ZNF521: variants seen among roughly 807,000 people sequenced by gnomAD.
ZNF521 encodes the protein LYST-interacting protein 3.
Under a neutral mutation model 105.5 loss-of-function variants are expected in ZNF521, and 14 were observed. That is an observed-to-expected ratio of 0.13 (90% CI 0.09 to 0.21). The LOEUF (loss-of-function observed/expected upper bound fraction) is 0.21. Ranked by LOEUF, ZNF521 falls within the 10% of genes least tolerant of loss-of-function variation. The pLI is 1.00. For missense variants in ZNF521, 1,233 were observed against 1,629.7 expected (o/e 0.76, Z 4.19); for synonymous variants, 635 against 606.0 (o/e 1.05, Z -0.70).
At chr18:25,096,174 T>G (rs1039200882) in intron 5 of ZNF521, among the ~76,000 whole-genome samples, 4 of 152,206 alleles carry the variant, frequency 2.6e-5, no homozygotes, top group Non-Finnish European at 5.9e-5. Context: ...AGACTGATGC[T>G]AATGTAAATA....
At chr18:25,232,479 G>C (rs1218196991) in intron 3 of ZNF521, among the ~76,000 whole-genome samples, 2 of 152,092 alleles carry the variant, frequency 1.3e-5, no homozygotes, top group African/African-American at 2.4e-5. Flanking sequence ...GCAATCTCAG[G>C]AATATTAATT....
chr18:25,108,298 G>T (rs1008214182), intron 5 of ZNF521, among the ~76,000 whole-genome samples: 2 of 152,088 alleles, frequency 1.3e-5, no homozygotes, highest in African/African-American at 4.8e-5. Context: ...CTTAATTTAT[G>T]ATTAAAAAAT....
chr18:25,090,462 C>T (rs913046644), intron 6 of ZNF521, among the ~76,000 whole-genome samples: 2 of 152,168 alleles, frequency 1.3e-5, no homozygotes, highest in African/African-American at 2.4e-5. Flanking sequence ...AATCACATTT[C>T]TCATTACCTT....
At chr18:25,147,912 C>T (rs149203368) in intron 5 of ZNF521, among the ~76,000 whole-genome samples, 1 of 152,238 alleles carries the variant, frequency 6.6e-6, no homozygotes, top group East Asian at 1.9e-4. Flanking sequence ...CTGTCCTGAC[C>T]GAACACCATG....
chr18:25,113,759 C>T (rs866697045), intron 5 of ZNF521, among the ~76,000 whole-genome samples: 1 of 120,146 alleles, frequency 8.3e-6, no homozygotes, highest in East Asian at 2.7e-4. Flanking sequence ...GAAGGACGGA[C>T]GGACACACAC....
rs572058933 is a variant in ZNF521 at position 25,333,314 on chromosome 18, C to CTCTATATA, written c.41-11128_41-11127insTATATAGA. The stretch of plus-strand genomic sequence containing the variant: ...ATAAGGACACACTCTCTCTCTCTCT[C>CTCTATATA]TATATATATATATATATATACACAC... On this transcript the variant is annotated intron_variant, in intron 2 of 7. Coordinates refer to ENST00000361524, the MANE Select transcript of ZNF521 (RefSeq NM_015461.3). 1.9e-3 allele frequency among the ~76,000 whole-genome samples: 274 copies of CTCTATATA among 145,760 alleles called. 1 individual carries two copies. Among genetic ancestry groups the CTCTATATA allele is most frequent in the Non-Finnish European group, 2.1e-3 (140 of 65,772 alleles).
chr18:25,212,745 A>ATT (rs1294438281), intron 4 of ZNF521, among the ~76,000 whole-genome samples: 2 of 150,580 alleles, frequency 1.3e-5, no homozygotes, highest in Non-Finnish European at 3.0e-5. Flanking sequence ...ATGTTTTATC[A>ATT]TTTTTTCCAT....
chr18:25,258,830 T>C (rs968405801), intron 3 of ZNF521, among the ~76,000 whole-genome samples: 1 of 152,202 alleles, frequency 6.6e-6, no homozygotes, highest in Non-Finnish European at 1.5e-5. Context: ...CCTCTCCATC[T>C]ACACAACAGG....
intron 2 of ZNF521, among the ~76,000 whole-genome samples, chr18:25,324,290 C>G (rs747250910): frequency 6.6e-6 from 1 of 151,848 alleles, no homozygotes; most frequent in Non-Finnish European, 1.5e-5. Flanking sequence ...GACCAGTTAC[C>G]TGTAAAGTAA....
chr18:25,328,212 G>A (rs1913343590), intron 2 of ZNF521, among the ~76,000 whole-genome samples: 1 of 152,162 alleles, frequency 6.6e-6, no homozygotes, highest in African/African-American at 2.4e-5. Flanking sequence ...CACTGTTGAA[G>A]TTTAGACTTT....
At chr18:25,266,319 A>G (rs1238888184) in intron 3 of ZNF521, among the ~76,000 whole-genome samples, 4 of 152,214 alleles carry the variant, frequency 2.6e-5, no homozygotes, top group Admixed American at 2.6e-4. Context: ...TGTACCCACA[A>G]AAGTTCAAAA....
chr18:25,185,739 AT>A (rs2035710463), intron 5 of ZNF521, among the ~76,000 whole-genome samples: 1 of 152,198 alleles, frequency 6.6e-6, no homozygotes, highest in African/African-American at 2.4e-5. Context: ...TGTAAAAAAA[AT>A]AAATAAATAA....
At chr18:25,310,387 AAGTAGGTAG>A (rs1415719699) in intron 3 of ZNF521, among the ~76,000 whole-genome samples, 2 of 151,922 alleles carry the variant, frequency 1.3e-5, no homozygotes, top group East Asian at 3.9e-4. Context: ...TCTGCTCTAT[AAGTAGGTAG>A]AGTCTAAGAG....
intron 4 of ZNF521, among the ~76,000 whole-genome samples, chr18:25,216,367 T>C (rs1186887863): frequency 6.6e-6 from 1 of 152,240 alleles, no homozygotes; most frequent in Non-Finnish European, 1.5e-5. Context: ...AGATCAAACC[T>C]AACTTTAAAA....
At chr18:25,193,086 G>C (rs2035846273) in intron 5 of ZNF521, among the ~76,000 whole-genome samples, 1 of 152,040 alleles carries the variant, frequency 6.6e-6, no homozygotes, top group African/African-American at 2.4e-5. Context: ...GGTCCCAAGA[G>C]GTAAGTGTCT....
chr18:25,229,736 G>C (rs903172446), intron 3 of ZNF521, among the ~76,000 whole-genome samples: 8 of 151,920 alleles, frequency 5.3e-5, no homozygotes, highest in Non-Finnish European at 7.4e-5. Context: ...TTATCTTTTA[G>C]GCTTAAATCC....
intron 5 of ZNF521, among the ~76,000 whole-genome samples, chr18:25,182,764 A>G (rs1032897908): frequency 1.3e-5 from 2 of 152,170 alleles, no homozygotes; most frequent in Non-Finnish European, 2.9e-5. Context: ...GCTGCATATA[A>G]AATAGGATGA....
chr18:25,320,464 C>A (rs1011672885), intron 3 of ZNF521, among the ~76,000 whole-genome samples: 1 of 152,160 alleles, frequency 6.6e-6, no homozygotes, highest in Non-Finnish European at 1.5e-5. Context: ...AGCCACCGCG[C>A]CTGGCCTAAA....
chr18:25,106,677 G>C (rs992993705), intron 5 of ZNF521, among the ~76,000 whole-genome samples: 1 of 152,048 alleles, frequency 6.6e-6, no homozygotes, highest in Non-Finnish European at 1.5e-5. Context: ...CTTGTGTGTT[G>C]CTTAAATATT....
Sources: allele counts gnomAD v4.1 joint callset (sites outside exome capture counted in the v4.1 genomes callset), GRCh38; gene constraint gnomAD v4.1.1; transcripts MANE v1.5; gene names NCBI Gene and HGNC (gene_info 2026-07-23, HGNC 2026-07-21).